SPAG16: variants seen among roughly 807,000 people sequenced by gnomAD.
SPAG16 encodes sperm associated antigen 16.
A neutral mutation model predicts 80.4 loss-of-function variants in SPAG16; 86 were observed. The ratio of observed to expected loss-of-function variants is 1.07; its 90% CI spans 0.90 to 1.28. The LOEUF is 1.28. SPAG16 is among the 50% of genes most tolerant of loss of function. SPAG16 has a pLI of 0.00. For missense variants in SPAG16, 870 were observed against 765.3 expected, an observed-to-expected ratio of 1.14 and a Z score of -1.61; for synonymous variants, 294 against 265.9, an observed-to-expected ratio of 1.11 and a Z score of -1.03.
intron 10 of SPAG16, among the ~76,000 whole-genome samples, chr2:213,627,208 T>TA (rs2061992294): frequency 6.6e-6 from 1 of 152,214 alleles, no homozygotes; most frequent in Non-Finnish European, 1.5e-5. Context: ...TTGAAGAGTC[T>TA]GCAAGTGCTA....
At chr2:214,182,721 T>A (rs1040121099) in intron 15 of SPAG16, among the ~76,000 whole-genome samples, 2 of 151,924 alleles carry the variant, frequency 1.3e-5, no homozygotes, top group Non-Finnish European at 2.9e-5. Flanking sequence ...CTCCAGTAGA[T>A]TCTGTGGTTT....
At chr2:214,216,033 G>A (rs1055662910) in intron 15 of SPAG16, among the ~76,000 whole-genome samples, 4 of 152,192 alleles carry the variant, frequency 2.6e-5, no homozygotes, top group Non-Finnish European at 4.4e-5. Context: ...ACAATTGCAT[G>A]TAAAGTCTTG....
chr2:213,585,513 G>A (rs577156791), intron 10 of SPAG16, among the ~76,000 whole-genome samples: 120 of 152,188 alleles, frequency 7.9e-4, no homozygotes, highest in African/African-American at 2.8e-3. Context: ...CTGACCTCAG[G>A]TGATCTGCTC....
At chr2:214,385,159 C>T (rs987963232) in intron 15 of SPAG16, among the ~76,000 whole-genome samples, 2 of 152,358 alleles carry the variant, frequency 1.3e-5, no homozygotes, top group East Asian at 3.9e-4. Context: ...GTTCAGTACA[C>T]AGTTCAGCCA....
intron 11 of SPAG16, among the ~76,000 whole-genome samples, chr2:213,901,638 G>T (rs924372045): frequency 6.6e-6 from 1 of 152,062 alleles, no homozygotes; most frequent in Non-Finnish European, 1.5e-5. Flanking sequence ...GTACAGGAAT[G>T]TATGTATTTT....
chr2:214,310,539 A>C lies in SPAG16; in HGVS notation c.1721-99601A>C, dbSNP rs1231287048. On this transcript the variant is annotated intron_variant, in intron 15 of 15. Coordinates refer to ENST00000331683, the MANE Select transcript of SPAG16 (RefSeq NM_024532.5). ...GTCTCCAGTAGGTGGTGCCAGAGCC[A>C]GTTTCCCTTTGGATATTGAGATGAT... Among the ~76,000 whole-genome samples the C allele has an allele frequency of 2.0e-5, 3 of 152,240 alleles. No homozygotes were observed. The East Asian group carries it at 5.8e-4, about 29-fold the overall frequency.
chr2:213,952,972 T>C (rs965715445), intron 12 of SPAG16, among the ~76,000 whole-genome samples: 1 of 151,996 alleles, frequency 6.6e-6, no homozygotes, highest in South Asian at 2.1e-4. Context: ...ACTAACAAAC[T>C]GGACAGGTAA....
chr2:214,198,449 G>A (rs1241349919), intron 15 of SPAG16, among the ~76,000 whole-genome samples: 2 of 151,822 alleles, frequency 1.3e-5, no homozygotes, highest in Non-Finnish European at 2.9e-5. Flanking sequence ...TCTTTTTTTG[G>A]TTGAGTAGTA....
intron 10 of SPAG16, among the ~76,000 whole-genome samples, chr2:213,543,187 AGCTAAAGAGCCCCTAAGAAATTG>A (rs1477682144): frequency 3.9e-5 from 6 of 152,074 alleles, no homozygotes; most frequent in Non-Finnish European, 7.4e-5. Context: ...GAAATCGATG[AGCTAAAGAGCCCCTAAGAAATTG>A]GTTAGGTTGA....
At chr2:214,368,240 A>G (rs1699606798) in intron 15 of SPAG16, among the ~76,000 whole-genome samples, 1 of 152,004 alleles carries the variant, frequency 6.6e-6, no homozygotes, top group African/African-American at 2.4e-5. Flanking sequence ...CAGATATCCC[A>G]TGTTCTTCTT....
intron 15 of SPAG16, among the ~76,000 whole-genome samples, chr2:214,172,324 C>A (rs1408855541): frequency 6.6e-6 from 1 of 151,918 alleles, no homozygotes; most frequent in African/African-American, 2.4e-5. Context: ...CAATTCCCAC[C>A]TATGAGTGAG....
intron 15 of SPAG16, among the ~76,000 whole-genome samples, chr2:214,319,842 G>A (rs1005252903): frequency 2.6e-5 from 4 of 152,182 alleles, no homozygotes; most frequent in African/African-American, 9.7e-5. Flanking sequence ...CTCTGATACT[G>A]TGATACTGCA....
At chr2:213,446,684 T>C (rs2071339839) in intron 9 of SPAG16, among the ~76,000 whole-genome samples, 2 of 152,214 alleles carry the variant, frequency 1.3e-5, no homozygotes, top group African/African-American at 2.4e-5. Context: ...CCTCCACTTA[T>C]TTGACCTCTC....
intron 15 of SPAG16, among the ~76,000 whole-genome samples, chr2:214,395,603 G>A (rs746521905): frequency 2.6e-5 from 4 of 152,112 alleles, no homozygotes; most frequent in Admixed American, 2.6e-4. Flanking sequence ...CAGGGGTTTG[G>A]TGTACAAAAT....
Position 213,350,534 on chromosome 2 carries a change from G to C in SPAG16, c.651G>C (p.Lys217Asn). 6.5e-7 allele frequency: 1 copy of C among 1,549,482 alleles called. No individual in the cohort carries two copies. The highest frequency in any genetic ancestry group is 1.2e-5 in the South Asian group (1 of 80,976). Residue 217 changes from lysine to asparagine, a missense_variant, in exon 7 of 16, where the codon AAG becomes AAC. Transcript: ENST00000331683. Reference protein sequence around the residue: ...NKLINDLKGLKLHYASYEPTI... With the variant: ...NKLINDLKGLNLHYASYEPTI... ...TTGACTTTATTTTTTATAGGTTGAA[G>C]TTACATTATGCATCTTATGAACCGA...
chr2:214,376,457 C>T (rs1442766028), intron 15 of SPAG16, among the ~76,000 whole-genome samples: 1 of 152,016 alleles, frequency 6.6e-6, no homozygotes, highest in Non-Finnish European at 1.5e-5. Flanking sequence ...AGCATTTCTT[C>T]AAACTCTGCC....
At chr2:213,467,066 G>A (rs1435357667) in intron 9 of SPAG16, among the ~76,000 whole-genome samples, 1 of 152,214 alleles carries the variant, frequency 6.6e-6, no homozygotes, top group Non-Finnish European at 1.5e-5. Context: ...TCATTTATGA[G>A]GTGGAGGTCC....
At chr2:214,204,144 A>AC (rs2058082553) in intron 15 of SPAG16, among the ~76,000 whole-genome samples, 2 of 151,562 alleles carry the variant, frequency 1.3e-5, no homozygotes, top group Non-Finnish European at 2.9e-5. Flanking sequence ...TGAAAACCAC[A>AC]CCCCCACCCC....
At chr2:213,817,243 T>C (rs1450121637) in intron 10 of SPAG16, among the ~76,000 whole-genome samples, 1 of 143,384 alleles carries the variant, frequency 7.0e-6, no homozygotes, top group African/African-American at 2.7e-5. Flanking sequence ...TATATATATA[T>C]ACTTATATAT....
Sources: gnomAD v4.1 joint callset for allele counts (sites outside exome capture counted in the v4.1 genomes callset) on GRCh38, gnomAD v4.1.1 for gene constraint, MANE v1.5 for transcripts, NCBI Gene and HGNC (gene_info 2026-07-23, HGNC 2026-07-21) for gene names.